The following ACSM1 variants were observed in gnomAD, a reference collection of about 807,000 sequenced individuals.
ACSM1 encodes the protein acyl-CoA synthetase medium chain family member 1, also known as acyl-coenzyme A synthetase ACSM1, mitochondrial.
A neutral mutation model predicts 75.8 loss-of-function variants in ACSM1; 79 were observed. The observed-to-expected ratio is 1.04, with a 90% confidence interval of 0.87 to 1.26. ACSM1 has a LOEUF of 1.26. Ranked by LOEUF, ACSM1 falls within the 50% of genes most tolerant of loss-of-function variation. ACSM1 has a pLI of 0.00. For missense variants in ACSM1, 676 were observed against 720.1 expected (o/e 0.94, Z 0.70); for synonymous variants, 279 against 265.8 (o/e 1.05, Z -0.48).
chr16:20,635,612 CT>C (rs1567251794), intron 10 of ACSM1, among the ~76,000 whole-genome samples: 2 of 103,748 alleles, frequency 1.9e-5, no homozygotes, highest in African/African-American at 3.4e-5. Context: ...TTCTTTCTTT[CT>C]TTCTTTCTTT....
chr16:20,682,048 C>T, intron 4 of ACSM1: 1 of 529,344 alleles, frequency 1.9e-6, no homozygotes, highest in Non-Finnish European at 3.4e-6. Context: ...AAGCTTCCCC[C>T]TGCACAGATC....
intron 11 of ACSM1, among the ~76,000 whole-genome samples, chr16:20,626,170 G>A (rs2016912463): frequency 6.6e-6 from 1 of 151,998 alleles, no homozygotes; most frequent in African/African-American, 2.4e-5. Context: ...GGGATCAATG[G>A]AGGTCAGGAG....
At chr16:20,694,544 AT>A (rs1245463994) in intron 1 of ACSM1, among the ~76,000 whole-genome samples, 2 of 152,128 alleles carry the variant, frequency 1.3e-5, no homozygotes, top group African/African-American at 4.8e-5. Flanking sequence ...CTCAGTTGCA[AT>A]TTTTCTATGC....
intron 7 of ACSM1, among the ~76,000 whole-genome samples, chr16:20,653,678 C>T (rs1266033840): frequency 6.6e-6 from 1 of 152,088 alleles, no homozygotes; most frequent in South Asian, 2.1e-4. Flanking sequence ...AATAAAATAC[C>T]TAGGAATCCA....
chr16:20,649,074 C>T (rs186126659), intron 7 of ACSM1, among the ~76,000 whole-genome samples: 2 of 152,316 alleles, frequency 1.3e-5, no homozygotes, highest in Admixed American at 6.5e-5. Flanking sequence ...TCTTTCTCTC[C>T]TGTTAATCAA....
rs553194378 is a variant in ACSM1, at chr16:20,691,165, C to T, written c.24G>A (p.Arg8=). The T allele has an allele frequency of 7.5e-6, 12 of 1,601,286 alleles. 1 individual carries two copies. The Admixed American group carries it at 2.1e-4, about 28-fold the overall frequency. Residue 8 remains arginine, a synonymous_variant, in exon 2 of 14, where the codon CGG becomes CGA. Coordinates refer to ENST00000520010, the MANE Select transcript of ACSM1 (RefSeq NM_001318890.3). ...AGGATTTGTGGATGCCCCAGAGGGT[C>T]CGGAACCTCATTAGCCACTGCATGG... The part of the protein sequence containing the change: MQWLMRF[R]TLWGIHKSFH...
Position 20,685,266 on chromosome 16 carries a change from C to T in ACSM1, c.330G>A (p.Gln110=). 6.2e-7 allele frequency: 1 copy of T among 1,614,220 alleles called. No homozygotes were observed. Among genetic ancestry groups the T allele is most frequent in the Non-Finnish European group, 8.5e-7 (1 of 1,180,042 alleles). Residue 110 remains glutamine, a synonymous_variant, in exon 3 of 14, where the codon CAG becomes CAA. Transcript: ENST00000520010. The part of the protein sequence containing the change: ...NVFTQTCGLQ[Q]GDHLALMLPR... ...GCAGCATCAAGGCCAGATGGTCTCC[C>T]TGTTGTAGGCCACAGGTCTGTGTGA...
chr16:20,632,155 C>T (rs979131185), intron 10 of ACSM1, among the ~76,000 whole-genome samples: 1 of 151,994 alleles, frequency 6.6e-6, no homozygotes, highest in Non-Finnish European at 1.5e-5. Context: ...GATCTCAAGC[C>T]GAAAACCTTA....
At chr16:20,661,326 A>G (rs2019287762) in intron 7 of ACSM1, among the ~76,000 whole-genome samples, 1 of 152,112 alleles carries the variant, frequency 6.6e-6, no homozygotes, top group Non-Finnish European at 1.5e-5. Flanking sequence ...GAACACATGT[A>G]AAATAAAATT....
intron 4 of ACSM1, 96 bp from the exon 5 acceptor site, chr16:20,671,767 T>C (rs2019924022): frequency 1.5e-6 from 2 of 1,366,348 alleles, no homozygotes; most frequent in Non-Finnish European, 1.9e-6. Context: ...GACAGGAAAC[T>C]GGGAGTTTGC....
intron 10 of ACSM1, among the ~76,000 whole-genome samples, chr16:20,632,262 G>T (rs1216430666): frequency 6.6e-6 from 1 of 152,064 alleles, no homozygotes; most frequent in Admixed American, 6.5e-5. Context: ...ATGGCAAATA[G>T]AAAAACAACA....
At chr16:20,663,939 A>G (rs754458850) in intron 6 of ACSM1, among the ~76,000 whole-genome samples, 6 of 152,058 alleles carry the variant, frequency 3.9e-5, no homozygotes, top group Non-Finnish European at 8.8e-5. Flanking sequence ...TTTCCCAGAA[A>G]TTGGCACTTA....
chr16:20,625,548 G>A (rs2016873295), intron 11 of ACSM1, 26 bp from the exon 12 acceptor site: 1 of 1,604,126 alleles, frequency 6.2e-7, no homozygotes, highest in African/African-American at 1.3e-5. Flanking sequence ...TTCTGAGGCA[G>A]ATGCCAGGGC....
intron 2 of ACSM1, among the ~76,000 whole-genome samples, chr16:20,688,952 TATATGTTAACTTATTAACATATATTTA>T (rs1432202362): frequency 1.3e-5 from 2 of 148,986 alleles, no homozygotes; most frequent in African/African-American, 4.9e-5. Context: ...TAATTATAAA[TATATGTTAACTTATTAACATATATTTA>T]ATATGTTAAT....
chr16:20,652,987 C>T (rs569099533), intron 7 of ACSM1, among the ~76,000 whole-genome samples: 2 of 152,210 alleles, frequency 1.3e-5, no homozygotes, highest in Non-Finnish European at 2.9e-5. Flanking sequence ...TGATGAACAT[C>T]GATGTAAAAA....
intron 9 of ACSM1, 137 bp from the exon 10 acceptor site, chr16:20,636,977 T>C: frequency 1.4e-6 from 1 of 704,982 alleles, no homozygotes; most frequent in South Asian, 1.7e-5. Context: ...GGAATAAAAC[T>C]GTCAAAAGCC....
At position 20,627,869 on chromosome 16, in the gene ACSM1, CATATATATATATATATATATATATATAT is replaced by C. The variant is rs61366465; in HGVS notation, c.1300-581_1300-554del. Among the ~76,000 whole-genome samples, 209 of 77,560 alleles carry C rather than the reference CATATATATATATATATATATATATATAT, an allele frequency of 2.7e-3. 3 individuals carry two copies. The highest frequency in any genetic ancestry group is 0.018 in the South Asian group (37 of 2,068). The allele number at this position is 77,560 out of a possible 152,430, so 50.9% of individuals were successfully genotyped here. On this transcript the variant is annotated intron_variant, in intron 10 of 13. Transcript: ENST00000520010. ...CTCTCTCTCTCTCTCTGTATGTATACATATATATATATATATATATATATATATATATATATATATATATATATATATA... is the reference window on the plus strand; with the variant it reads ...CTCTCTCTCTCTCTCTGTATGTATACATATATATATATATATATATATATA...
chr16:20,681,088 G>A (rs2152307196), intron 4 of ACSM1: 1 of 152,252 alleles, frequency 6.6e-6, no homozygotes, highest in South Asian at 2.1e-4. Flanking sequence ...AATATTATTG[G>A]CCAGCTACCT....
At chr16:20,652,595 C>A (rs2152240134) in intron 7 of ACSM1, among the ~76,000 whole-genome samples, 1 of 152,174 alleles carries the variant, frequency 6.6e-6, no homozygotes, top group African/African-American at 2.4e-5. Flanking sequence ...CACAGAAATA[C>A]AAACTACCGT....
Sources: gnomAD v4.1 joint callset for allele counts (sites outside exome capture counted in the v4.1 genomes callset) on GRCh38, gnomAD v4.1.1 for gene constraint, MANE v1.5 for transcripts, NCBI Gene and HGNC (gene_info 2026-07-23, HGNC 2026-07-21) for gene names.